ACYP2: variants seen among roughly 807,000 people sequenced by gnomAD.
ACYP2 encodes the protein acylphosphatase-2.
In ACYP2, 12 loss-of-function variants were observed where a neutral mutation model predicts 11.2. The ratio of observed to expected loss-of-function variants is 1.08; its 90% CI spans 0.69 to 1.74. The LOEUF is 1.74. ACYP2 is among the 40% of genes most tolerant of loss of function. ACYP2 has a pLI of 0.00. For missense variants in ACYP2, 134 were observed against 101.9 expected (o/e 1.31, Z -1.35); for synonymous variants, 43 against 32.2 (o/e 1.33, Z -1.13).
chr2:54,217,532 A>ATT (rs372344785), intron 6 of ACYP2, among the ~76,000 whole-genome samples: 5 of 146,596 alleles, frequency 3.4e-5, no homozygotes, highest in African/African-American at 1.2e-4. Context: ...GTCCCTGGCT[A>ATT]TTTTTTTTTT....
intron 2 of ACYP2, among the ~76,000 whole-genome samples, chr2:54,009,819 C>G (rs1673266674): frequency 1.3e-5 from 2 of 152,116 alleles, no homozygotes; most frequent in Admixed American, 6.6e-5. Flanking sequence ...TTATCATGTA[C>G]TTAATTTGTG....
intron 6 of ACYP2, among the ~76,000 whole-genome samples, chr2:54,234,559 A>G (rs1377643559): frequency 6.6e-6 from 1 of 152,232 alleles, no homozygotes; most frequent in Non-Finnish European, 1.5e-5. Flanking sequence ...CCAAGTGGAA[A>G]ATTTGCTCAA....
intron 4 of ACYP2, among the ~76,000 whole-genome samples, chr2:54,070,655 T>C (rs1233417300): frequency 6.6e-6 from 1 of 152,172 alleles, no homozygotes; most frequent in African/African-American, 2.4e-5. Flanking sequence ...CTAGTTACTT[T>C]GTAAGCTATG....
intron 4 of ACYP2, among the ~76,000 whole-genome samples, chr2:54,097,716 A>G (rs746195783): frequency 6.6e-6 from 1 of 151,996 alleles, no homozygotes; most frequent in African/African-American, 2.4e-5. Context: ...GTTTTGGAGC[A>G]TTTTAAAGCA....
At chr2:54,136,204 A>ATT (rs140413294) in intron 5 of ACYP2, among the ~76,000 whole-genome samples, 4 of 152,124 alleles carry the variant, frequency 2.6e-5, no homozygotes, top group African/African-American at 9.6e-5. Flanking sequence ...CAGCCAAGCT[A>ATT]ATTTTTTTTA....
At chr2:54,060,146 G>A (rs981212695) in intron 4 of ACYP2, among the ~76,000 whole-genome samples, 4 of 152,082 alleles carry the variant, frequency 2.6e-5, no homozygotes, top group African/African-American at 9.7e-5. Context: ...TTTATTTGAG[G>A]ATTTCTTCCC....
At chr2:54,264,151 T>G (rs1230887006) in intron 6 of ACYP2, among the ~76,000 whole-genome samples, 4 of 152,134 alleles carry the variant, frequency 2.6e-5, no homozygotes, top group African/African-American at 9.7e-5. Flanking sequence ...GGTCCGGAGT[T>G]TCTTCCTTCC....
intron 4 of ACYP2, among the ~76,000 whole-genome samples, chr2:54,070,732 A>AT (rs11368576): frequency 0.065 from 8,909 of 137,110 alleles, 857 homozygotes; most frequent in African/African-American, 0.21. Context: ...AAGCTATTCC[A>AT]TTTTTTTTTT....
At chr2:54,152,122 T>TTC (rs1682204308) in intron 6 of ACYP2, among the ~76,000 whole-genome samples, 1 of 147,818 alleles carries the variant, frequency 6.8e-6, no homozygotes, top group Non-Finnish European at 1.5e-5. Flanking sequence ...ACTCTTTTTT[T>TTC]TTTTTTTTTT....
At chr2:54,094,229 A>ATTT (rs540021527) in intron 4 of ACYP2, among the ~76,000 whole-genome samples, 6 of 142,194 alleles carry the variant, frequency 4.2e-5, no homozygotes, top group Admixed American at 1.4e-4. Flanking sequence ...GAGAAAAAAA[A>ATTT]TTTTTTTTTT....
At chr2:53,976,087 G>A (rs1272835835) in intron 2 of ACYP2, among the ~76,000 whole-genome samples, 1 of 152,190 alleles carries the variant, frequency 6.6e-6, no homozygotes, top group East Asian at 1.9e-4. Context: ...CTTATTAGCA[G>A]TGAACAAAAA....
chr2:54,202,405 C>CTTTTTTTTT (rs61634500), intron 6 of ACYP2, among the ~76,000 whole-genome samples: 3 of 116,362 alleles, frequency 2.6e-5, no homozygotes, highest in African/African-American at 1.1e-4. Flanking sequence ...CTGTGCCTGG[C>CTTTTTTTTT]TTTTTTTTTT....
intron 2 of ACYP2, among the ~76,000 whole-genome samples, chr2:53,984,336 G>C (rs2104512810): frequency 6.6e-6 from 1 of 152,164 alleles, no homozygotes; most frequent in East Asian, 1.9e-4. Flanking sequence ...CCAGCACTTT[G>C]GGAGGCCGAG....
chr2:54,245,713 T>TC (rs1392209379), intron 6 of ACYP2, among the ~76,000 whole-genome samples: 5 of 151,714 alleles, frequency 3.3e-5, no homozygotes, highest in Non-Finnish European at 7.4e-5. Flanking sequence ...TAATCAGATT[T>TC]TTTTTTTTTT....
At chr2:54,151,474 C>T (rs569259790) in intron 6 of ACYP2, among the ~76,000 whole-genome samples, 1 of 152,164 alleles carries the variant, frequency 6.6e-6, no homozygotes, top group African/African-American at 2.4e-5. Context: ...CCTTTTTACA[C>T]AAATAGACAG....
intron 4 of ACYP2, among the ~76,000 whole-genome samples, chr2:54,113,014 TTG>T (rs138281291): frequency 0.072 from 11,025 of 152,200 alleles, 549 homozygotes; most frequent in East Asian, 0.29. Flanking sequence ...TATGCTATAG[TTG>T]TCCGTTGTTA....
intron 6 of ACYP2, among the ~76,000 whole-genome samples, chr2:54,199,889 C>T (rs1684685704): frequency 6.6e-6 from 1 of 152,216 alleles, no homozygotes; most frequent in Non-Finnish European, 1.5e-5. Context: ...TGCAATGGTT[C>T]TGTATCTTAC....
At chr2:53,984,545 C>A (rs1218568845) in intron 2 of ACYP2, among the ~76,000 whole-genome samples, 3 of 151,818 alleles carry the variant, frequency 2.0e-5, no homozygotes, top group African/African-American at 7.3e-5. Context: ...CCACTGTACT[C>A]CAGCCTGGGC....
chr2:54,304,591 A>C, intron 6 of ACYP2, 97 bp from the exon 4 acceptor site: 1 of 728,596 alleles, frequency 1.4e-6, no homozygotes, highest in Non-Finnish European at 2.2e-6. Flanking sequence ...ATTACTTAGT[A>C]AAGGTAAACT....
Sources: gnomAD v4.1 joint callset for allele counts (sites outside exome capture counted in the v4.1 genomes callset) on GRCh38, gnomAD v4.1.1 for gene constraint, MANE v1.5 for transcripts, NCBI Gene and HGNC (gene_info 2026-07-23, HGNC 2026-07-21) for gene names.